Variants in FSTL5 observed in about 807,000 individuals in gnomAD.
The protein encoded by FSTL5 is follistatin like 5, also known as follistatin-related protein 5.
In FSTL5, 62 loss-of-function variants were observed where a neutral mutation model predicts 89.1. That is an observed-to-expected ratio of 0.70 (90% CI 0.57 to 0.86). FSTL5 has a LOEUF of 0.86. Ranked by LOEUF, FSTL5 falls within the 40% of genes least tolerant of loss-of-function variation. The probability of loss-of-function intolerance (pLI) is 0.00; values close to 1 mark genes in which losing one functional copy is unlikely to be tolerated. For synonymous variants in FSTL5, 383 were observed against 346.2 expected, an observed-to-expected ratio of 1.11 and a Z score of -1.18; for missense variants, 1,057 against 1,001.6, an observed-to-expected ratio of 1.06 and a Z score of -0.75.
chr4:161,948,134 G>T (rs963272092), intron 3 of FSTL5, among the ~76,000 whole-genome samples: 10 of 150,054 alleles, frequency 6.7e-5, no homozygotes, highest in Admixed American at 3.3e-4. Flanking sequence ...AAAAAAAAAA[G>T]CTGCTGGGTG....
At chr4:161,447,403 A>C (rs1296640286) in intron 15 of FSTL5, among the ~76,000 whole-genome samples, 2 of 152,132 alleles carry the variant, frequency 1.3e-5, no homozygotes, top group Non-Finnish European at 2.9e-5. Context: ...AACATGACTA[A>C]TAAGACATTC....
chr4:161,475,884 A>G lies in FSTL5; in HGVS notation c.1608+5136T>C, dbSNP rs142490632. Among the ~76,000 whole-genome samples, 521 of 151,640 alleles carry G rather than the reference A, an allele frequency of 3.4e-3. 3 individuals carry two copies. The highest frequency in any genetic ancestry group is 0.011 in the African/African-American group (470 of 41,338). ...CCTACCTCAGCCTCCCGAGTAGATG[A>G]GACTACAGTTGCCCACCACCACGCC... On this transcript the variant is annotated intron_variant, in intron 13 of 15. Coordinates refer to ENST00000306100, the MANE Select transcript of FSTL5 (RefSeq NM_020116.5).
At chr4:162,162,521 A>T (rs1733735560) in intron 1 of FSTL5, among the ~76,000 whole-genome samples, 1 of 152,148 alleles carries the variant, frequency 6.6e-6, no homozygotes. Context: ...ATGAGAGACC[A>T]CAATTCCATT....
At chr4:161,611,128 ATATATATATGTATC>A (rs1188406211) in intron 7 of FSTL5, among the ~76,000 whole-genome samples, 1 of 148,506 alleles carries the variant, frequency 6.7e-6, no homozygotes, top group Admixed American at 6.8e-5. Flanking sequence ...AGATACATAT[ATATATATATGTATC>A]TATATATATG....
At chr4:161,431,038 T>C (rs556997705) in intron 15 of FSTL5, among the ~76,000 whole-genome samples, 4 of 152,276 alleles carry the variant, frequency 2.6e-5, no homozygotes, top group Admixed American at 1.3e-4. Context: ...ACATCAGACC[T>C]GCCCTACAAA....
chr4:162,107,791 C>G (rs1019812855), intron 2 of FSTL5, among the ~76,000 whole-genome samples: 1 of 152,156 alleles, frequency 6.6e-6, no homozygotes, highest in East Asian at 1.9e-4. Flanking sequence ...CTTTTCGTCC[C>G]TATGTCTGCC....
intron 8 of FSTL5, among the ~76,000 whole-genome samples, chr4:161,575,076 A>G (rs1733163098): frequency 6.6e-6 from 1 of 152,004 alleles, no homozygotes; most frequent in Non-Finnish European, 1.5e-5. Context: ...TGTGGTTTTG[A>G]TTTGCATTTC....
At chr4:161,552,468 A>G (rs937874325) in intron 8 of FSTL5, 1 of 151,728 alleles carries the variant, frequency 6.6e-6, no homozygotes, top group Non-Finnish European at 1.5e-5. Context: ...GAAAATATAT[A>G]TATTATATGG....
At chr4:161,904,944 ATATT>A (rs1380823174) in intron 4 of FSTL5, among the ~76,000 whole-genome samples, 1 of 151,888 alleles carries the variant, frequency 6.6e-6, no homozygotes, top group East Asian at 1.9e-4. Flanking sequence ...TTTTAAATGT[ATATT>A]TATGAATTAC....
intron 6 of FSTL5, among the ~76,000 whole-genome samples, chr4:161,656,755 G>T (rs574278782): frequency 6.6e-6 from 1 of 152,202 alleles, no homozygotes; most frequent in East Asian, 1.9e-4. Flanking sequence ...AATAAGCCTG[G>T]CAGATTGCAC....
At chr4:161,403,608 C>T (rs890987684) in intron 15 of FSTL5, among the ~76,000 whole-genome samples, 5 of 152,282 alleles carry the variant, frequency 3.3e-5, no homozygotes, top group Admixed American at 1.3e-4. Flanking sequence ...GAAAATTGCA[C>T]ATATGTCTTC....
chr4:161,585,946 T>C (rs1201374221), intron 8 of FSTL5, among the ~76,000 whole-genome samples: 1 of 152,232 alleles, frequency 6.6e-6, no homozygotes, highest in African/African-American at 2.4e-5. Context: ...CATTGAAAGT[T>C]GGATTCAAAG....
chr4:161,636,873 T>C (rs1578985096), intron 7 of FSTL5, among the ~76,000 whole-genome samples: 1 of 100,556 alleles, frequency 9.9e-6, no homozygotes, highest in East Asian at 2.7e-4. Flanking sequence ...TGTTGGACAT[T>C]TGGGTTGGTT....
intron 7 of FSTL5, among the ~76,000 whole-genome samples, chr4:161,647,582 C>T (rs1736195572): frequency 6.6e-6 from 1 of 150,888 alleles, no homozygotes; most frequent in African/African-American, 2.4e-5. Context: ...TTCAGTGATG[C>T]AAGATAAATA....
At chr4:161,713,636 A>G (rs944898410) in intron 6 of FSTL5, among the ~76,000 whole-genome samples, 1 of 152,170 alleles carries the variant, frequency 6.6e-6, no homozygotes, top group Non-Finnish European at 1.5e-5. Flanking sequence ...AAAAGTTATT[A>G]TCCATTCAAA....
chr4:162,014,880 AAGCAAGAAAATAAGAT>A (rs767991280), intron 3 of FSTL5, among the ~76,000 whole-genome samples: 3 of 152,194 alleles, frequency 2.0e-5, no homozygotes, highest in Non-Finnish European at 4.4e-5. Flanking sequence ...AGAAGAAGGA[AAGCAAGAAAATAAGAT>A]AAGTTCTTTT....
chr4:161,428,993 C>A (rs1366565163), intron 15 of FSTL5, among the ~76,000 whole-genome samples: 4 of 152,074 alleles, frequency 2.6e-5, no homozygotes, highest in Non-Finnish European at 4.4e-5. Context: ...GGGAGGAGCC[C>A]ACTGCTGTGA....
At chr4:161,640,988 T>C (rs1018830607) in intron 7 of FSTL5, among the ~76,000 whole-genome samples, 2 of 152,162 alleles carry the variant, frequency 1.3e-5, no homozygotes, top group African/African-American at 4.8e-5. Context: ...GGCCAGAAGG[T>C]GGTAAGCTAA....
chr4:161,883,913 G>T (rs1732715785), intron 4 of FSTL5, among the ~76,000 whole-genome samples: 1 of 152,088 alleles, frequency 6.6e-6, no homozygotes, highest in Non-Finnish European at 1.5e-5. Context: ...TTTTCTGTGA[G>T]ATTTGTTTAA....
Sources: allele counts gnomAD v4.1 joint callset (sites outside exome capture counted in the v4.1 genomes callset), GRCh38; gene constraint gnomAD v4.1.1; transcripts MANE v1.5; gene names NCBI Gene and HGNC (gene_info 2026-07-23, HGNC 2026-07-21).